Variants in PCDH15 observed in about 807,000 individuals in gnomAD.
PCDH15 encodes the protein protocadherin related 15.
PCDH15 carries 129 observed loss-of-function variants against 178.5 expected under a neutral mutation model. That is an observed-to-expected ratio of 0.72 (90% CI 0.63 to 0.84). PCDH15 has a LOEUF of 0.84. Among genes scored for constraint, PCDH15 ranks in the 40% least tolerant of loss-of-function variants. The probability of loss-of-function intolerance (pLI) is 0.00; values close to 1 mark genes in which losing one functional copy is unlikely to be tolerated. For synonymous variants in PCDH15, 800 were observed against 732.0 expected, an observed-to-expected ratio of 1.09 and a Z score of -1.50; for missense variants, 2,230 against 2,099.9, an observed-to-expected ratio of 1.06 and a Z score of -1.21.
chr10:55,599,830 T>C (rs927784987), intron 2 of PCDH15: 19 of 935,926 alleles, frequency 2.0e-5, no homozygotes, highest in Non-Finnish European at 2.9e-5. Flanking sequence ...GACATATGTT[T>C]AAGGGTTGCG....
intron 2 of PCDH15, among the ~76,000 whole-genome samples, chr10:54,957,213 T>C (rs1387282733): frequency 6.6e-6 from 1 of 151,502 alleles, no homozygotes; most frequent in Non-Finnish European, 1.5e-5. Flanking sequence ...ATATGAATTG[T>C]ATAGGCAGAG....
At chr10:54,097,155 C>T (rs911354500) in intron 15 of PCDH15, among the ~76,000 whole-genome samples, 1 of 152,074 alleles carries the variant, frequency 6.6e-6, no homozygotes, top group South Asian at 2.1e-4. Flanking sequence ...ATTTTCAATG[C>T]AGCATCCAGG....
chr10:54,593,272 CT>C lies in PCDH15; in HGVS notation c.92-65396del, dbSNP rs201674436. Among the ~76,000 whole-genome samples, 844 of 152,170 alleles carry C rather than the reference CT, an allele frequency of 5.5e-3. 5 individuals are homozygous for C. Among genetic ancestry groups the C allele is most frequent in the African/African-American group, 0.019 (783 of 41,540 alleles). ...AGAACCAATGACAAGAATCTTTTTC[CT>C]GATGGCTTTTTGCTATTAGTTTTAC... On this transcript the variant is annotated intron_variant, in intron 2 of 37. Coordinates refer to ENST00000644397, the MANE Select transcript of PCDH15 (RefSeq NM_001384140.1).
At chr10:55,599,851 C>T (rs746210910) in intron 2 of PCDH15, 1 of 1,257,750 alleles carries the variant, frequency 8.0e-7, no homozygotes, top group Non-Finnish European at 1.1e-6. Flanking sequence ...GTATCCTGAA[C>T]TTGCAAAGGT....
At chr10:55,044,094 T>C (rs1313281950) in intron 2 of PCDH15, among the ~76,000 whole-genome samples, 1 of 152,138 alleles carries the variant, frequency 6.6e-6, no homozygotes, top group African/African-American at 2.4e-5. Context: ...TCAACACCTG[T>C]ATAGTGATGG....
chr10:53,906,032 CAA>C (rs1306441728), intron 25 of PCDH15, among the ~76,000 whole-genome samples: 2 of 151,856 alleles, frequency 1.3e-5, no homozygotes, highest in Admixed American at 6.6e-5. Context: ...GTTCTTTTCA[CAA>C]AAGAGAAACA....
chr10:53,990,746 G>A (rs2091417225), intron 21 of PCDH15, among the ~76,000 whole-genome samples: 1 of 151,984 alleles, frequency 6.6e-6, no homozygotes, highest in Non-Finnish European at 1.5e-5. Context: ...GCTGCACTGT[G>A]GGAGCCCCTC....
intron 1 of PCDH15, among the ~76,000 whole-genome samples, chr10:55,221,947 A>G (rs1307238406): frequency 6.6e-6 from 1 of 150,766 alleles, no homozygotes; most frequent in Non-Finnish European, 1.5e-5. Context: ...GCTCACTGCA[A>G]CCTCCGCCTC....
intron 1 of PCDH15, among the ~76,000 whole-genome samples, chr10:55,302,078 A>G (rs1254604137): frequency 6.6e-6 from 1 of 152,164 alleles, no homozygotes; most frequent in Non-Finnish European, 1.5e-5. Context: ...TTGCCTTTCC[A>G]TATACATGTT....
chr10:55,090,102 A>G (rs1432499558), intron 2 of PCDH15, among the ~76,000 whole-genome samples: 2 of 152,108 alleles, frequency 1.3e-5, no homozygotes, highest in Non-Finnish European at 1.5e-5. Context: ...AAGTTATGAA[A>G]GTAATGGTAA....
In PCDH15 at chr10:54,068,405, C is replaced by T. The variant is rs535054486; in HGVS notation, c.2092-1520G>A. 1.2e-4 allele frequency among the ~76,000 whole-genome samples: 18 copies of T among 152,040 alleles called. No homozygotes were observed. The East Asian group carries it at 1.4e-3, about 11-fold the overall frequency. ...TAAATAAAATTTTTATTTAAAGACA[C>T]GTACAAAGATGGTCAGAACATCATT... On this transcript the variant is annotated intron_variant, in intron 17 of 37. Transcript: ENST00000644397.
chr10:55,055,506 G>A (rs11004708), intron 2 of PCDH15, among the ~76,000 whole-genome samples: 9,337 of 152,042 alleles, frequency 0.061, 398 homozygotes, highest in African/African-American at 0.11. Flanking sequence ...CTCTTCTTGC[G>A]TGAAAACAGG....
At chr10:55,591,027 C>T (rs1288659990) in intron 2 of PCDH15, among the ~76,000 whole-genome samples, 1 of 151,996 alleles carries the variant, frequency 6.6e-6, no homozygotes, top group Non-Finnish European at 1.5e-5. Flanking sequence ...CAAAATCTCA[C>T]AAAGAGGTTC....
chr10:55,609,004 TTATA>T lies in PCDH15; in HGVS notation c.-156+18617_-156+18620del, dbSNP rs35075380. ...TTGTCTATGGGACTATACATATATG[TTATA>T]TATATATACACACACACACACACAC... On this transcript the variant is annotated intron_variant, in intron 2 of 5. Coordinates refer to the PCDH15 transcript ENST00000613346. Among the ~76,000 whole-genome samples the T allele has an allele frequency of 3.9e-3, 574 of 148,042 alleles. 2 individuals carry two copies. The highest frequency in any genetic ancestry group is 9.7e-3 in the African/African-American group (391 of 40,282).
intron 2 of PCDH15, among the ~76,000 whole-genome samples, chr10:55,603,316 C>T (rs1269410389): frequency 1.3e-5 from 2 of 150,130 alleles, no homozygotes; most frequent in Admixed American, 6.6e-5. Flanking sequence ...TTGGAAAACA[C>T]TCTGCAGGAT....
At chr10:54,299,794 C>G (rs1043268417) in intron 8 of PCDH15, among the ~76,000 whole-genome samples, 1 of 152,156 alleles carries the variant, frequency 6.6e-6, no homozygotes, top group Non-Finnish European at 1.5e-5. Flanking sequence ...TCTGCTCAAA[C>G]GTGCGAGTTG....
At position 54,003,089 on chromosome 10, in the gene PCDH15, G is replaced by T. The variant is rs569483565; in HGVS notation, c.2752-7324C>A. Among the ~76,000 whole-genome samples the T allele has an allele frequency of 5.9e-5, 9 of 152,232 alleles. No individual in the cohort carries two copies. The East Asian group carries it at 1.7e-3, about 29-fold the overall frequency. On this transcript the variant is annotated intron_variant, in intron 20 of 37. Coordinates refer to ENST00000644397, the MANE Select transcript of PCDH15 (RefSeq NM_001384140.1). The stretch of plus-strand genomic sequence containing the variant: ...AGCAGGAAAAACTCTTGATTCAATA[G>T]GATATACTGAAATTTTTACTACGTG...
chr10:54,541,650 T>C (rs891925909), intron 2 of PCDH15, among the ~76,000 whole-genome samples: 10 of 151,198 alleles, frequency 6.6e-5, no homozygotes, highest in African/African-American at 2.2e-4. Context: ...AATTGAAATA[T>C]AAAGGAGAAA....
At chr10:55,078,165 T>A (rs1841955991) in intron 2 of PCDH15, among the ~76,000 whole-genome samples, 1 of 152,200 alleles carries the variant, frequency 6.6e-6, no homozygotes, top group Non-Finnish European at 1.5e-5. Context: ...CCTGTAATGT[T>A]TATGTTGAGA....
Sources: gnomAD v4.1 joint callset for allele counts (sites outside exome capture counted in the v4.1 genomes callset) on GRCh38, gnomAD v4.1.1 for gene constraint, MANE v1.5 for transcripts, NCBI Gene and HGNC (gene_info 2026-07-23, HGNC 2026-07-21) for gene names.